SLC39A11: variants seen among roughly 807,000 people sequenced by gnomAD.
SLC39A11 encodes the protein solute carrier family 39 member 11, also known as zinc transporter ZIP11.
A neutral mutation model predicts 36.1 loss-of-function variants in SLC39A11; 33 were observed. That is an observed-to-expected ratio of 0.91 (90% CI 0.69 to 1.22). The LOEUF (loss-of-function observed/expected upper bound fraction) is 1.22. Among genes scored for constraint, SLC39A11 ranks in the 50% most tolerant of loss-of-function variants. The probability of loss-of-function intolerance (pLI) is 0.00; values close to 1 mark genes in which losing one functional copy is unlikely to be tolerated. For synonymous variants in SLC39A11, 166 were observed against 170.3 expected, an observed-to-expected ratio of 0.97 and a Z score of 0.20; for missense variants, 432 against 430.3, an observed-to-expected ratio of 1.00 and a Z score of -0.03.
chr17:72,982,647 G>A (rs1278112391), intron 4 of SLC39A11, among the ~76,000 whole-genome samples: 2 of 151,036 alleles, frequency 1.3e-5, no homozygotes, highest in Non-Finnish European at 1.5e-5. Context: ...CACCTGGGGA[G>A]AAATCTGGAA....
At chr17:72,786,248 T>G (rs904123397) in intron 6 of SLC39A11, among the ~76,000 whole-genome samples, 7 of 152,216 alleles carry the variant, frequency 4.6e-5, no homozygotes, top group South Asian at 2.1e-4. Flanking sequence ...GTGAAGAATT[T>G]AAGTGTGCCA....
intron 6 of SLC39A11, among the ~76,000 whole-genome samples, chr17:72,753,994 A>G (rs1258629546): frequency 1.4e-5 from 2 of 147,812 alleles, no homozygotes; most frequent in Non-Finnish European, 3.0e-5. Context: ...CAACAAGTGG[A>G]TAAAGAAACT....
At chr17:73,065,902 C>CA (rs2059984407) in intron 3 of SLC39A11, among the ~76,000 whole-genome samples, 1 of 152,108 alleles carries the variant, frequency 6.6e-6, no homozygotes, top group African/African-American at 2.4e-5. Context: ...AGAGGCAGGA[C>CA]GGAGAAAACA....
rs982440980 is a variant in SLC39A11 at position 72,646,139 on chromosome 17, C to T, written c.*1445G>A. 7 of 152,644 alleles carry T rather than the reference C, an allele frequency of 4.6e-5. No homozygotes were observed. The highest frequency in any genetic ancestry group is 1.2e-4 in the African/African-American group (5 of 41,456). The allele number at this position is 152,644 out of a possible 1,614,324, so 9.5% of individuals were successfully genotyped here. A position where few individuals can be genotyped will look rare whatever the true frequency, so the allele number is the denominator to read the frequency against. On this transcript the variant is annotated 3_prime_UTR_variant, in exon 10 of 10. Coordinates refer to ENST00000255559, the MANE Select transcript of SLC39A11 (RefSeq NM_139177.4). Reference sequence around the variant, plus strand: ...TCTTCAATTTTGATCATCAGTGCTTCGGAAGAACGTACATAGACCCAGCCC... The same window carrying T: ...TCTTCAATTTTGATCATCAGTGCTTTGGAAGAACGTACATAGACCCAGCCC...
At chr17:72,966,609 G>A (rs539411480) in intron 4 of SLC39A11, among the ~76,000 whole-genome samples, 25 of 152,036 alleles carry the variant, frequency 1.6e-4, no homozygotes, top group Middle Eastern at 3.4e-3. Flanking sequence ...TCGCTCTGTC[G>A]CCCAGGCTGG....
chr17:72,680,872 T>C (rs547454620), intron 7 of SLC39A11, among the ~76,000 whole-genome samples: 14 of 152,304 alleles, frequency 9.2e-5, no homozygotes, highest in Non-Finnish European at 1.6e-4. Context: ...CTGATGGACA[T>C]TTGGGTTGTT....
At chr17:72,732,047 T>C (rs1178155051) in intron 7 of SLC39A11, among the ~76,000 whole-genome samples, 14 of 98,246 alleles carry the variant, frequency 1.4e-4, no homozygotes, top group African/African-American at 2.6e-4. Flanking sequence ...TTTCTTTTTT[T>C]TTTTTTTTTT....
chr17:72,956,697 CT>C (rs2086263320), intron 4 of SLC39A11, among the ~76,000 whole-genome samples: 2 of 152,128 alleles, frequency 1.3e-5, no homozygotes, highest in South Asian at 4.1e-4. Flanking sequence ...CTTTTTCTGG[CT>C]TCTCAACAGA....
chr17:72,724,186 G>A (rs888695278), intron 7 of SLC39A11, among the ~76,000 whole-genome samples: 3 of 152,012 alleles, frequency 2.0e-5, no homozygotes, highest in African/African-American at 7.2e-5. Flanking sequence ...GAGAAGGGGA[G>A]AGGAAAGAGA....
intron 6 of SLC39A11, chr17:72,824,003 T>C (rs902162644): frequency 6.6e-6 from 1 of 151,146 alleles, no homozygotes; most frequent in Admixed American, 6.6e-5. Flanking sequence ...ATTTTTTCAA[T>C]GCCAAAGTTG....
intron 7 of SLC39A11, among the ~76,000 whole-genome samples, chr17:72,716,582 G>A (rs1046491140): frequency 5.3e-5 from 8 of 150,058 alleles, no homozygotes; most frequent in African/African-American, 1.5e-4. Context: ...AAAAAAAATC[G>A]GAAACTTTAA....
intron 7 of SLC39A11, among the ~76,000 whole-genome samples, chr17:72,680,041 CAAAAAAAAAAAAAAAA>C (rs199650969): frequency 5.6e-5 from 4 of 71,664 alleles, no homozygotes; most frequent in Non-Finnish European, 1.0e-4. Flanking sequence ...GACTCTGTCT[CAAAAAAAAAAAAAAAA>C]AAAAAAAAAA....
At chr17:72,714,122 G>A (rs986814656) in intron 7 of SLC39A11, among the ~76,000 whole-genome samples, 30 of 152,190 alleles carry the variant, frequency 2.0e-4, no homozygotes, top group Non-Finnish European at 4.0e-4. Context: ...TTGGGAGGCC[G>A]AGGCGGGTGG....
chr17:73,054,807 CAAAAA>C (rs5821939), intron 3 of SLC39A11, among the ~76,000 whole-genome samples: 1 of 113,238 alleles, frequency 8.8e-6, no homozygotes. Context: ...GATTCCGTCT[CAAAAA>C]AAAAAAAAAA....
Position 73,004,226 on chromosome 17 carries a change from A to AG in SLC39A11, c.306+27329dup, listed in dbSNP as rs1568106137. Among the ~76,000 whole-genome samples the AG allele has an allele frequency of 9.1e-3, 775 of 85,296 alleles. 66 individuals carry two copies. The highest frequency in any genetic ancestry group is 0.018 in the East Asian group (67 of 3,736). 56.0% of individuals were successfully genotyped at this position (85,296 alleles called of 152,430 possible). A position where few individuals can be genotyped will look rare whatever the true frequency, so the allele number is the denominator to read the frequency against. On this transcript the variant is annotated intron_variant, in intron 4 of 9. Coordinates refer to ENST00000255559, the MANE Select transcript of SLC39A11 (RefSeq NM_139177.4). ...AAGAAAGAAAGAAAGAAAGAAAGAA[A>AG]GAAAGAAAAGAAAGAAAGAGAAAAA...
intron 6 of SLC39A11, among the ~76,000 whole-genome samples, chr17:72,790,107 G>A (rs999157791): frequency 1.1e-4 from 17 of 152,172 alleles, no homozygotes; most frequent in African/African-American, 4.1e-4. Context: ...GGGAGCTGAG[G>A]ATAACAAGCC....
chr17:73,080,300 T>C (rs1369523472), intron 3 of SLC39A11, among the ~76,000 whole-genome samples: 1 of 152,008 alleles, frequency 6.6e-6, no homozygotes, highest in African/African-American at 2.4e-5. Flanking sequence ...TGTAGACCAA[T>C]GGAATAGAAT....
intron 7 of SLC39A11, among the ~76,000 whole-genome samples, chr17:72,661,235 A>G (rs1380724997): frequency 1.3e-5 from 2 of 152,166 alleles, no homozygotes; most frequent in Non-Finnish European, 2.9e-5. Context: ...TTCTCTGACC[A>G]TGGCGCCCCC....
intron 5 of SLC39A11, among the ~76,000 whole-genome samples, chr17:72,858,542 T>C (rs1044541539): frequency 6.6e-6 from 1 of 152,272 alleles, no homozygotes; most frequent in Non-Finnish European, 1.5e-5. Context: ...AGGAATAGCA[T>C]TGAATCTGTA....
Sources: allele counts gnomAD v4.1 joint callset (sites outside exome capture counted in the v4.1 genomes callset), GRCh38; gene constraint gnomAD v4.1.1; transcripts MANE v1.5; gene names NCBI Gene and HGNC (gene_info 2026-07-23, HGNC 2026-07-21).